The following AGBL1 variants were observed in gnomAD, a reference collection of about 807,000 sequenced individuals.
AGBL1 encodes cytosolic carboxypeptidase 4.
In AGBL1, 130 loss-of-function variants were observed where a neutral mutation model predicts 118.9. That is an observed-to-expected ratio of 1.09 (90% CI 0.95 to 1.26). The LOEUF (loss-of-function observed/expected upper bound fraction) is 1.26. AGBL1 is among the 50% of genes most tolerant of loss of function. AGBL1 has a pLI of 0.00. For missense variants in AGBL1, 1,584 were observed against 1,298.1 expected, an observed-to-expected ratio of 1.22 and a Z score of -3.38; for synonymous variants, 555 against 478.9, an observed-to-expected ratio of 1.16 and a Z score of -2.08.
rs772220593 is a variant in AGBL1 at position 86,896,119 on chromosome 15, T to A, written c.3159-10968T>A. On this transcript the variant is annotated intron_variant, in intron 22 of 22. Coordinates refer to ENST00000614907, the MANE Select transcript of AGBL1 (RefSeq NM_001386094.1). ...GAGAAAAGGCTGTTTAATATTTAAATCTACCTTTTTTCCCAAAAAAATCTT... is the reference window on the plus strand; with the variant it reads ...GAGAAAAGGCTGTTTAATATTTAAAACTACCTTTTTTCCCAAAAAAATCTT... 1.3e-3 allele frequency among the ~76,000 whole-genome samples: 199 copies of A among 152,280 alleles called. 1 individual carries two copies. Among genetic ancestry groups the A allele is most frequent in the Admixed American group, 3.2e-3 (49 of 15,284 alleles).
intron 23 of AGBL1, among the ~76,000 whole-genome samples, chr15:86,931,661 GAT>G (rs2080606950): frequency 6.6e-6 from 1 of 151,726 alleles, no homozygotes; most frequent in Non-Finnish European, 1.5e-5. Flanking sequence ...TTTTTCATTT[GAT>G]ACGTTTCTGA....
intron 23 of AGBL1, among the ~76,000 whole-genome samples, chr15:86,962,360 G>A (rs1217438992): frequency 6.6e-6 from 1 of 152,030 alleles, no homozygotes; most frequent in East Asian, 1.9e-4. Flanking sequence ...CTCCAGGAAG[G>A]ACACATTTTT....
At chr15:86,402,064 A>T (rs1172878614) in intron 18 of AGBL1, among the ~76,000 whole-genome samples, 1 of 151,122 alleles carries the variant, frequency 6.6e-6, no homozygotes, top group Non-Finnish European at 1.5e-5. Context: ...CACAATATTG[A>T]CTCTACCTGT....
At chr15:86,605,062 TGG>T (rs1321934932) in intron 21 of AGBL1, among the ~76,000 whole-genome samples, 7 of 152,330 alleles carry the variant, frequency 4.6e-5, no homozygotes, top group African/African-American at 1.7e-4. Flanking sequence ...CCCAAAGTGC[TGG>T]GATTACAGGC....
chr15:86,920,133 G>T (rs1482318842), downstream of AGBL1, among the ~76,000 whole-genome samples: 1 of 152,162 alleles, frequency 6.6e-6, no homozygotes, highest in Non-Finnish European at 1.5e-5. Flanking sequence ...GCGTCAGTCA[G>T]CCTGGACTCC....
At chr15:86,955,761 G>A (rs2080923669) in intron 23 of AGBL1, among the ~76,000 whole-genome samples, 1 of 152,202 alleles carries the variant, frequency 6.6e-6, no homozygotes, top group Admixed American at 6.5e-5. Flanking sequence ...GAAGAAAAAT[G>A]AAAATCAACT....
rs182280523 is a variant in AGBL1, at chr15:86,145,605, C to T, written c.262+1760C>T. Reference sequence around the variant, plus strand: ...CTTCCTTCCAATATTTGGATCTCCACGCTGAGTCCATTCAACATGCTGCTG... The same window carrying T: ...CTTCCTTCCAATATTTGGATCTCCATGCTGAGTCCATTCAACATGCTGCTG... On this transcript the variant is annotated intron_variant, in intron 3 of 22. Coordinates refer to ENST00000614907, the MANE Select transcript of AGBL1 (RefSeq NM_001386094.1). Among the ~76,000 whole-genome samples, 24 of 152,312 alleles carry T rather than the reference C, an allele frequency of 1.6e-4. No homozygotes were observed. In the East Asian group the frequency reaches 1.7e-3, roughly 11 times the overall value.
At chr15:86,094,277 A>G (rs1422144177) in intron 1 of AGBL1, among the ~76,000 whole-genome samples, 2 of 152,130 alleles carry the variant, frequency 1.3e-5, no homozygotes, top group African/African-American at 2.4e-5. Context: ...GATTTCTTAC[A>G]ATGTAAATTT....
intron 24 of AGBL1, among the ~76,000 whole-genome samples, chr15:87,002,295 T>C (rs1389960784): frequency 1.3e-5 from 2 of 151,992 alleles, no homozygotes; most frequent in Non-Finnish European, 2.9e-5. Flanking sequence ...TGTAGATGTG[T>C]GGTATTATTT....
At chr15:87,005,906 T>C (rs760276097) in intron 24 of AGBL1, among the ~76,000 whole-genome samples, 6 of 152,248 alleles carry the variant, frequency 3.9e-5, no homozygotes, top group Non-Finnish European at 8.8e-5. Flanking sequence ...TAGTTTTCCT[T>C]TTAACACTCA....
intron 24 of AGBL1, among the ~76,000 whole-genome samples, chr15:87,014,875 G>A (rs532571901): frequency 2.0e-5 from 3 of 152,036 alleles, no homozygotes; most frequent in South Asian, 2.1e-4. Flanking sequence ...GTTAGGTGTC[G>A]ACTTCACTGA....
chr15:86,584,061 T>G (rs2142337586), intron 21 of AGBL1, among the ~76,000 whole-genome samples: 1 of 152,306 alleles, frequency 6.6e-6, no homozygotes, highest in Non-Finnish European at 1.5e-5. Flanking sequence ...TTAGATTAAG[T>G]TCCTTGTAAA....
intron 17 of AGBL1, among the ~76,000 whole-genome samples, chr15:86,363,557 A>T (rs1185138920): frequency 6.6e-6 from 1 of 151,758 alleles, no homozygotes; most frequent in Non-Finnish European, 1.5e-5. Flanking sequence ...GATCATACTG[A>T]TTTCCTTTCT....
intron 21 of AGBL1, among the ~76,000 whole-genome samples, chr15:86,651,980 G>T (rs1211972043): frequency 6.6e-5 from 10 of 152,092 alleles, no homozygotes; most frequent in Admixed American, 6.6e-4. Flanking sequence ...GTTTTTGCTT[G>T]TTTTTCTACA....
At chr15:86,996,966 A>AT (rs1270453238) in intron 24 of AGBL1, among the ~76,000 whole-genome samples, 1 of 152,158 alleles carries the variant, frequency 6.6e-6, no homozygotes, top group Non-Finnish European at 1.5e-5. Context: ...GAAAATATCC[A>AT]TTATAAAACT....
intron 14 of AGBL1, among the ~76,000 whole-genome samples, chr15:86,270,497 C>T (rs574242058): frequency 3.9e-5 from 6 of 152,228 alleles, no homozygotes; most frequent in East Asian, 3.9e-4. Context: ...CCTGAATACC[C>T]GTGGCCATTT....
At chr15:86,567,956 T>C (rs2083940758) in intron 21 of AGBL1, among the ~76,000 whole-genome samples, 1 of 152,174 alleles carries the variant, frequency 6.6e-6, no homozygotes, top group African/African-American at 2.4e-5. Context: ...GAGATGGTTT[T>C]GAGACAAGTT....
intron 22 of AGBL1, among the ~76,000 whole-genome samples, chr15:86,771,814 G>A (rs2078186354): frequency 6.6e-6 from 1 of 152,034 alleles, no homozygotes; most frequent in East Asian, 1.9e-4. Flanking sequence ...TCTCTTAGCT[G>A]CTGGAAGCCA....
chr15:86,871,529 T>A (rs1006039099), intron 22 of AGBL1, among the ~76,000 whole-genome samples: 1 of 152,174 alleles, frequency 6.6e-6, no homozygotes, highest in African/African-American at 2.4e-5. Flanking sequence ...GTGGTCTGGA[T>A]CCTCAGGCTC....
Sources: gnomAD v4.1 joint callset for allele counts (sites outside exome capture counted in the v4.1 genomes callset) on GRCh38, gnomAD v4.1.1 for gene constraint, MANE v1.5 for transcripts, NCBI Gene and HGNC (gene_info 2026-07-23, HGNC 2026-07-21) for gene names.